The following NFIA variants were observed in gnomAD, a reference collection of about 807,000 sequenced individuals.
NFIA encodes the protein nuclear factor 1 A-type.
Under a neutral mutation model 62.8 loss-of-function variants are expected in NFIA, and 8 were observed. The ratio of observed to expected loss-of-function variants is 0.13; its 90% CI spans 0.07 to 0.23. NFIA has a LOEUF of 0.23. NFIA is among the 10% of genes least tolerant of loss of function. NFIA has a pLI of 1.00. For missense variants in NFIA, 410 were observed against 642.1 expected, an observed-to-expected ratio of 0.64 and a Z score of 3.91; for synonymous variants, 235 against 238.1, an observed-to-expected ratio of 0.99 and a Z score of 0.12.
intron 2 of NFIA, among the ~76,000 whole-genome samples, chr1:61,217,960 TA>T (rs1240848882): frequency 2.0e-5 from 3 of 152,226 alleles, no homozygotes; most frequent in African/African-American, 7.2e-5. Context: ...AGGTAATGCC[TA>T]AAAGTGTTTA....
At chr1:61,306,013 A>G (rs904201626) in intron 3 of NFIA, among the ~76,000 whole-genome samples, 2 of 150,568 alleles carry the variant, frequency 1.3e-5, no homozygotes, top group African/African-American at 4.9e-5. Context: ...ACGCCCGGCT[A>G]ATTTTTGTTG....
At chr1:61,106,496 A>G (rs1207907174) in intron 2 of NFIA, among the ~76,000 whole-genome samples, 1 of 151,794 alleles carries the variant, frequency 6.6e-6, no homozygotes. Flanking sequence ...ATTTCCCCCA[A>G]ATTTGATTAT....
chr1:61,109,450 A>AG (rs1274693106), intron 2 of NFIA, among the ~76,000 whole-genome samples: 1 of 151,800 alleles, frequency 6.6e-6, no homozygotes, highest in African/African-American at 2.4e-5. Context: ...GCCAGGCAAA[A>AG]GTTAGGCAGA....
intron 2 of NFIA, among the ~76,000 whole-genome samples, chr1:61,201,706 C>T (rs1047364157): frequency 6.6e-6 from 1 of 152,062 alleles, no homozygotes; most frequent in Admixed American, 6.5e-5. Flanking sequence ...GCGAGAGGTC[C>T]TGAGCTATTA....
chr1:61,394,397 A>G (rs1399296691), intron 7 of NFIA, among the ~76,000 whole-genome samples: 1 of 151,902 alleles, frequency 6.6e-6, no homozygotes, highest in Non-Finnish European at 1.5e-5. Context: ...CTGGTCTCAA[A>G]CTCCTGACCT....
chr1:61,425,878 T>G (rs1462070190), intron 9 of NFIA, among the ~76,000 whole-genome samples: 3 of 152,222 alleles, frequency 2.0e-5, no homozygotes, highest in African/African-American at 4.8e-5. Flanking sequence ...GAAAAGCATA[T>G]TTTGTGCATC....
chr1:61,169,711 C>T (rs1284812395), intron 2 of NFIA, among the ~76,000 whole-genome samples: 1 of 152,176 alleles, frequency 6.6e-6, no homozygotes, highest in African/African-American at 2.4e-5. Context: ...CCCATGATGT[C>T]AGTAACCTCT....
chr1:61,415,225 T>A (rs1386617147), intron 9 of NFIA, among the ~76,000 whole-genome samples: 1 of 152,068 alleles, frequency 6.6e-6, no homozygotes, highest in African/African-American at 2.4e-5. Context: ...CAAAACAAAT[T>A]TCAGCCGGAA....
chr1:61,289,183 A>G (rs1034417936), intron 3 of NFIA, among the ~76,000 whole-genome samples: 3 of 152,104 alleles, frequency 2.0e-5, no homozygotes, highest in African/African-American at 7.2e-5. Flanking sequence ...CCTCCCCCTC[A>G]GTTATTGGCT....
chr1:61,316,436 C>A (rs1335212145), intron 3 of NFIA, among the ~76,000 whole-genome samples: 1 of 152,074 alleles, frequency 6.6e-6, no homozygotes, highest in East Asian at 1.9e-4. Context: ...CCTCCAGGGA[C>A]CATATGGCTC....
At chr1:61,201,732 G>GT (rs1298881234) in intron 2 of NFIA, among the ~76,000 whole-genome samples, 1 of 152,172 alleles carries the variant, frequency 6.6e-6, no homozygotes, top group Non-Finnish European at 1.5e-5. Context: ...AGCGAAGGCA[G>GT]TGGTGTGCTC....
At chr1:61,093,342 A>G (rs1323423871) in intron 2 of NFIA, among the ~76,000 whole-genome samples, 9 of 151,780 alleles carry the variant, frequency 5.9e-5, no homozygotes, top group African/African-American at 1.7e-4. Context: ...TATATTGTAT[A>G]CACAATATAC....
intron 3 of NFIA, among the ~76,000 whole-genome samples, chr1:61,315,010 A>G (rs1660296316): frequency 6.6e-6 from 1 of 152,076 alleles, no homozygotes; most frequent in Non-Finnish European, 1.5e-5. Context: ...GTAGAGAAAC[A>G]TTTTAGGTTT....
intron 2 of NFIA, among the ~76,000 whole-genome samples, chr1:61,128,381 C>T (rs190108753): frequency 2.0e-5 from 3 of 152,174 alleles, no homozygotes; most frequent in South Asian, 2.1e-4. Context: ...GGAGCCGAGG[C>T]GGGTGGATCA....
At chr1:61,096,922 A>G (rs909906815) in intron 2 of NFIA, among the ~76,000 whole-genome samples, 14 of 152,192 alleles carry the variant, frequency 9.2e-5, no homozygotes, top group Non-Finnish European at 1.5e-4. Context: ...ATAATTGTAA[A>G]TAGAAAAAGA....
intron 9 of NFIA, among the ~76,000 whole-genome samples, chr1:61,421,694 C>G (rs933954525): frequency 9.2e-5 from 14 of 152,202 alleles, no homozygotes; most frequent in African/African-American, 3.4e-4. Flanking sequence ...CAGGTGAAAC[C>G]AGCCACTTAG....
chr1:61,082,258 G>A, upstream of NFIA: 1 of 438,488 alleles, frequency 2.3e-6, no homozygotes, highest in Non-Finnish European at 3.8e-6. Flanking sequence ...AGCAAGGAGC[G>A]AGCCACGGAG....
chr1:61,412,680 C>G (rs940679107), intron 9 of NFIA, among the ~76,000 whole-genome samples: 1 of 152,294 alleles, frequency 6.6e-6, no homozygotes, highest in Admixed American at 6.5e-5. Context: ...TCATAATAAG[C>G]TGCCTTTCAC....
intron 2 of NFIA, among the ~76,000 whole-genome samples, chr1:61,257,885 C>CTTTTTTTTT (rs58230415): frequency 8.7e-6 from 1 of 115,432 alleles, no homozygotes; most frequent in South Asian, 3.0e-4. Context: ...TTCTTTTTTT[C>CTTTTTTTTT]TTTTTTTTTT....
Sources: gnomAD v4.1 joint callset for allele counts (sites outside exome capture counted in the v4.1 genomes callset) on GRCh38, gnomAD v4.1.1 for gene constraint, MANE v1.5 for transcripts, NCBI Gene and HGNC (gene_info 2026-07-23, HGNC 2026-07-21) for gene names.